The following IGSF11 variants were observed in gnomAD, a reference collection of about 807,000 sequenced individuals.
IGSF11 encodes CXADR like 1.
A neutral mutation model predicts 41.0 loss-of-function variants in IGSF11; 22 were observed. The observed-to-expected ratio is 0.54, with a 90% confidence interval of 0.38 to 0.77. The LOEUF (loss-of-function observed/expected upper bound fraction) is 0.77, where lower values mean the gene tolerates loss of function less well. IGSF11 is among the 30% of genes least tolerant of loss of function. IGSF11 has a pLI of 0.00. For missense variants in IGSF11, 444 were observed against 530.8 expected, an observed-to-expected ratio of 0.84 and a Z score of 1.61; for synonymous variants, 219 against 201.3, an observed-to-expected ratio of 1.09 and a Z score of -0.74.
At chr3:119,069,128 C>T (rs774301729) in intron 1 of IGSF11, among the ~76,000 whole-genome samples, 1 of 151,674 alleles carries the variant, frequency 6.6e-6, no homozygotes, top group Admixed American at 6.6e-5. Context: ...AGAGTTTCAC[C>T]GTGTTAGCCA....
At chr3:118,991,226 T>A (rs924687353) in intron 1 of IGSF11, among the ~76,000 whole-genome samples, 14 of 152,338 alleles carry the variant, frequency 9.2e-5, no homozygotes, top group Middle Eastern at 3.4e-3. Context: ...TATTGTTCCA[T>A]CACAGATATT....
At chr3:119,025,341 A>T (rs1939716162) in intron 1 of IGSF11, among the ~76,000 whole-genome samples, 2 of 152,220 alleles carry the variant, frequency 1.3e-5, no homozygotes, top group Admixed American at 1.3e-4. Context: ...AGGCCTGGAG[A>T]ATTACATGAT....
chr3:118,986,833 A>G (rs1318347839), intron 1 of IGSF11, among the ~76,000 whole-genome samples: 1 of 152,200 alleles, frequency 6.6e-6, no homozygotes, highest in Non-Finnish European at 1.5e-5. Context: ...AAGAATAAAT[A>G]AAAGAAAATT....
chr3:118,948,769 T>A (rs150266259), intron 1 of IGSF11, among the ~76,000 whole-genome samples: 3,750 of 151,570 alleles, frequency 0.025, 86 homozygotes, highest in East Asian at 0.067. Context: ...ATAGAGACCA[T>A]CCTGGCTAAA....
intron 1 of IGSF11, among the ~76,000 whole-genome samples, chr3:119,055,714 G>C (rs1315436281): frequency 6.6e-6 from 1 of 152,120 alleles, no homozygotes; most frequent in African/African-American, 2.4e-5. Flanking sequence ...TGGCCACATA[G>C]TTGGAAGTAA....
chr3:118,975,094 T>C (rs1218783782), intron 1 of IGSF11, among the ~76,000 whole-genome samples: 2 of 152,164 alleles, frequency 1.3e-5, no homozygotes, highest in African/African-American at 4.8e-5. Context: ...TCTAATTACA[T>C]GAAGAACATA....
At chr3:119,097,986 T>TTA (rs71156730) in intron 1 of IGSF11, among the ~76,000 whole-genome samples, 3 of 143,564 alleles carry the variant, frequency 2.1e-5, no homozygotes, top group Non-Finnish European at 4.5e-5. Flanking sequence ...TTTTTTTTTT[T>TTA]AGAGACAGGG....
chr3:119,036,443 A>G (rs1334925199), upstream of IGSF11, among the ~76,000 whole-genome samples: 1 of 152,196 alleles, frequency 6.6e-6, no homozygotes, highest in Non-Finnish European at 1.5e-5. Context: ...GTATAAGAGT[A>G]AGCAATATAA....
intron 1 of IGSF11, among the ~76,000 whole-genome samples, chr3:118,959,806 G>C (rs1945211267): frequency 6.6e-6 from 1 of 152,130 alleles, no homozygotes; most frequent in African/African-American, 2.4e-5. Flanking sequence ...CCAGCACTTT[G>C]GGAGGCCAAG....
chr3:118,965,260 A>C (rs1228699597), intron 1 of IGSF11, among the ~76,000 whole-genome samples: 1 of 152,272 alleles, frequency 6.6e-6, no homozygotes, highest in East Asian at 1.9e-4. Flanking sequence ...TACCATACTC[A>C]AATTCTAACA....
chr3:118,970,453 T>A (rs563516854), intron 1 of IGSF11, among the ~76,000 whole-genome samples: 26 of 152,248 alleles, frequency 1.7e-4, no homozygotes, highest in African/African-American at 6.0e-4. Flanking sequence ...AAAACTGGCA[T>A]GAATGTTCAA....
At chr3:118,946,511 T>C (rs1944155893) in intron 1 of IGSF11, among the ~76,000 whole-genome samples, 1 of 152,008 alleles carries the variant, frequency 6.6e-6, no homozygotes, top group Non-Finnish European at 1.5e-5. Context: ...CAAACAGATT[T>C]CTCAATGCTT....
intron 1 of IGSF11, among the ~76,000 whole-genome samples, chr3:119,058,107 A>G (rs1305996267): frequency 1.2e-4 from 19 of 152,242 alleles, no homozygotes; most frequent in East Asian, 1.2e-3. Context: ...GGCAACAAAA[A>G]CCAAAATTGA....
At chr3:119,066,167 A>G (rs1489070067) in intron 1 of IGSF11, among the ~76,000 whole-genome samples, 1 of 152,154 alleles carries the variant, frequency 6.6e-6, no homozygotes, top group Admixed American at 6.5e-5. Flanking sequence ...GACAACAGTT[A>G]GGGCCCACCT....
chr3:119,040,409 T>C (rs1941074920), intron 1 of IGSF11, among the ~76,000 whole-genome samples: 1 of 152,190 alleles, frequency 6.6e-6, no homozygotes, highest in South Asian at 2.1e-4. Context: ...AAAGCTCCAG[T>C]CTCCCACACA....
At chr3:119,038,127 C>T (rs1940983244), upstream of IGSF11, among the ~76,000 whole-genome samples, 2 of 152,050 alleles carry the variant, frequency 1.3e-5, no homozygotes, top group African/African-American at 2.4e-5. Flanking sequence ...CTCCCTCCCC[C>T]TCCCCCTTTG....
chr3:118,968,124 T>C (rs1945810676), intron 1 of IGSF11, among the ~76,000 whole-genome samples: 1 of 152,232 alleles, frequency 6.6e-6, no homozygotes, highest in South Asian at 2.1e-4. Context: ...TATATTTTTA[T>C]ATGTGAAAAA....
intron 1 of IGSF11, among the ~76,000 whole-genome samples, chr3:119,029,590 G>A: frequency 6.6e-6 from 1 of 152,160 alleles, no homozygotes; most frequent in African/African-American, 2.4e-5. Context: ...TTCCAAAGTG[G>A]AACGAGAGGA....
chr3:119,028,499 C>A (rs1940043609), intron 1 of IGSF11, among the ~76,000 whole-genome samples: 1 of 152,042 alleles, frequency 6.6e-6, no homozygotes, highest in South Asian at 2.1e-4. Flanking sequence ...CTAAGAATAC[C>A]AGACATGAAA....
Sources: allele counts gnomAD v4.1 joint callset (sites outside exome capture counted in the v4.1 genomes callset), GRCh38; gene constraint gnomAD v4.1.1; transcripts MANE v1.5; gene names NCBI Gene and HGNC (gene_info 2026-07-23, HGNC 2026-07-21).